The following DENND5A variants were observed in gnomAD, a reference collection of about 807,000 sequenced individuals.
The protein encoded by DENND5A is DENN domain containing 5A, also known as DENN domain-containing protein 5A.
In DENND5A, 64 loss-of-function variants were observed where a neutral mutation model predicts 140.3. That is an observed-to-expected ratio of 0.46 (90% CI 0.37 to 0.56). The LOEUF (loss-of-function observed/expected upper bound fraction) is 0.56, where lower values mean the gene tolerates loss of function less well. DENND5A is among the 20% of genes least tolerant of loss of function. DENND5A has a pLI of 0.00. For missense variants in DENND5A, 1,292 were observed against 1,593.8 expected (o/e 0.81, Z 3.22); for synonymous variants, 605 against 607.7 (o/e 1.00, Z 0.07).
chr11:9,180,288 CA>C (rs896659076), intron 6 of DENND5A, among the ~76,000 whole-genome samples: 5 of 149,122 alleles, frequency 3.4e-5, no homozygotes, highest in Admixed American at 6.7e-5. Context: ...CCTGCCTCTA[CA>C]AAAAAAAAAT....
chr11:9,243,104 A>AAC (rs56273205), intron 1 of DENND5A, among the ~76,000 whole-genome samples: 1 of 137,304 alleles, frequency 7.3e-6, no homozygotes, highest in South Asian at 2.1e-4. Context: ...AAAAAAAAAA[A>AAC]CAAAAAAAAA....
intron 8 of DENND5A, among the ~76,000 whole-genome samples, chr11:9,173,837 G>A (rs1247947941): frequency 6.6e-6 from 1 of 152,142 alleles, no homozygotes; most frequent in Non-Finnish European, 1.5e-5. Flanking sequence ...GGGTGCAGTG[G>A]CTCACGCCTG....
intron 1 of DENND5A, among the ~76,000 whole-genome samples, chr11:9,222,879 G>A (rs900044411): frequency 6.6e-6 from 1 of 152,214 alleles, no homozygotes; most frequent in African/African-American, 2.4e-5. Flanking sequence ...ACATCAGTTA[G>A]AAGCAAAGTT....
At chr11:9,212,973 C>T (rs1374602262) in intron 1 of DENND5A, among the ~76,000 whole-genome samples, 2 of 148,760 alleles carry the variant, frequency 1.3e-5, no homozygotes, top group Non-Finnish European at 3.0e-5. Flanking sequence ...GATACCTTGA[C>T]TATATCAATG....
intron 4 of DENND5A, among the ~76,000 whole-genome samples, chr11:9,198,989 G>A (rs182623423): frequency 1.5e-5 from 2 of 130,920 alleles, no homozygotes. Context: ...CCCAGGAGGC[G>A]GAGGTTGCAA....
chr11:9,243,900 T>A (rs1299495847), intron 1 of DENND5A, among the ~76,000 whole-genome samples: 1 of 152,130 alleles, frequency 6.6e-6, no homozygotes. Flanking sequence ...ACACAAAAAA[T>A]AATATTTTAT....
chr11:9,156,002 G>A (rs890752823), intron 12 of DENND5A, among the ~76,000 whole-genome samples: 7 of 152,122 alleles, frequency 4.6e-5, no homozygotes, highest in East Asian at 1.9e-4. Flanking sequence ...CCCCCACAAG[G>A]GCATAATAAA....
chr11:9,166,901 T>G (rs975266520), intron 10 of DENND5A, among the ~76,000 whole-genome samples: 1 of 151,932 alleles, frequency 6.6e-6, no homozygotes, highest in Non-Finnish European at 1.5e-5. Context: ...AAAAAACACA[T>G]GACTACAGCA....
chr11:9,257,693 A>G (rs191615482), intron 1 of DENND5A, among the ~76,000 whole-genome samples: 4 of 151,680 alleles, frequency 2.6e-5, no homozygotes, highest in Non-Finnish European at 4.4e-5. Flanking sequence ...CGTGTTAGCC[A>G]GGATAGTCTC....
chr11:9,189,002 G>A (rs143124606), intron 5 of DENND5A, among the ~76,000 whole-genome samples: 1 of 152,336 alleles, frequency 6.6e-6, no homozygotes, highest in Non-Finnish European at 1.5e-5. Flanking sequence ...GGTCTTCACG[G>A]CAGCCCCTCC....
rs185353994 is a variant in DENND5A at position 9,166,005 on chromosome 11, T to C, written c.2152-38A>G. 160 of 1,611,380 alleles carry C rather than the reference T, an allele frequency of 9.9e-5. No homozygotes were observed. In the Middle Eastern group the frequency reaches 1.5e-3, roughly 15 times the overall value. On this transcript the variant is annotated intron_variant, in intron 10 of 22. Coordinates refer to ENST00000328194, the MANE Select transcript of DENND5A (RefSeq NM_015213.4). ...GAAAAATAAAGACCCTTTGTGTCCA[T>C]GTACATAAACCAAAGGTCAGCAGTA...
chr11:9,227,213 C>CATAAAT (rs1564926935), intron 1 of DENND5A, among the ~76,000 whole-genome samples: 6,785 of 126,448 alleles, frequency 0.054, 186 homozygotes, highest in South Asian at 0.063. Context: ...AATAAATAAG[C>CATAAAT]AAGCAAGCAC....
chr11:9,221,742 A>G (rs1014088025), intron 1 of DENND5A, among the ~76,000 whole-genome samples: 1 of 142,726 alleles, frequency 7.0e-6, no homozygotes, highest in Admixed American at 7.5e-5. Flanking sequence ...CTAATTGAGA[A>G]TTTTGTTGTT....
intron 8 of DENND5A, chr11:9,171,129 C>T (rs1848359867): frequency 4.4e-6 from 1 of 226,236 alleles, no homozygotes; most frequent in Non-Finnish European, 8.8e-6. Flanking sequence ...GTTAAGGAGA[C>T]CAAGGTGGCT....
intron 8 of DENND5A, chr11:9,175,786 C>T (rs898143113): frequency 2.0e-5 from 3 of 151,998 alleles, no homozygotes; most frequent in Non-Finnish European, 2.9e-5. Context: ...AAAAAATGGA[C>T]GCATAACTTA....
Position 9,147,021 on chromosome 11 carries a change from G to A in DENND5A, c.2857+9C>T. ...TGAGAAGGCCAGCTGGGAGCACAGG[G>A]CTACTCACGGATAGTTGTGAAGACA... On this transcript the variant is annotated intron_variant, in intron 16 of 22. Coordinates refer to ENST00000328194, the MANE Select transcript of DENND5A (RefSeq NM_015213.4). 6.2e-7 allele frequency: 1 copy of A among 1,614,118 alleles called. No homozygotes were observed. The highest frequency in any genetic ancestry group is 8.5e-7 in the Non-Finnish European group (1 of 1,179,968).
At chr11:9,250,597 G>C (rs775392052) in intron 1 of DENND5A, among the ~76,000 whole-genome samples, 2 of 152,170 alleles carry the variant, frequency 1.3e-5, no homozygotes, top group African/African-American at 4.8e-5. Flanking sequence ...GATTCTAACA[G>C]ATCTTTCTAA....
At chr11:9,176,130 T>C (rs1015664453) in intron 8 of DENND5A, among the ~76,000 whole-genome samples, 10 of 152,244 alleles carry the variant, frequency 6.6e-5, no homozygotes, top group Non-Finnish European at 1.5e-4. Flanking sequence ...TGAGGACAAG[T>C]TGTCCATGCA....
intron 4 of DENND5A, among the ~76,000 whole-genome samples, chr11:9,196,721 G>A (rs532959216): frequency 2.0e-5 from 3 of 151,896 alleles, no homozygotes; most frequent in South Asian, 2.1e-4. Context: ...AGTGATTCTC[G>A]TGCCTCAGCC....
Sources: gnomAD v4.1 joint callset for allele counts (sites outside exome capture counted in the v4.1 genomes callset) on GRCh38, gnomAD v4.1.1 for gene constraint, MANE v1.5 for transcripts, NCBI Gene and HGNC (gene_info 2026-07-23, HGNC 2026-07-21) for gene names.